The following USP34 variants were observed in gnomAD, a reference collection of about 807,000 sequenced individuals.
The protein encoded by USP34 is ubiquitin specific peptidase 34.
In USP34, 70 loss-of-function variants were observed where a neutral mutation model predicts 460.3. The ratio of observed to expected loss-of-function variants is 0.15; its 90% confidence interval spans 0.13 to 0.19. USP34 has a LOEUF of 0.19. Ranked by LOEUF, USP34 falls within the 10% of genes least tolerant of loss-of-function variation. USP34 has a pLI of 1.00. For missense variants in USP34, 3,985 were observed against 4,236.2 expected (o/e 0.94, Z 1.65); for synonymous variants, 1,647 against 1,405.3 (o/e 1.17, Z -3.85).
intron 75 of USP34, among the ~76,000 whole-genome samples, chr2:61,202,491 G>C (rs1257954529): frequency 1.3e-5 from 2 of 152,092 alleles, no homozygotes; most frequent in African/African-American, 2.4e-5. Context: ...TCAGCTATAG[G>C]AATGTTACCC....
intron 23 of USP34, 37 bp from the exon 24 acceptor site, chr2:61,315,011 T>C (rs1459581931): frequency 1.3e-6 from 2 of 1,534,204 alleles, no homozygotes; most frequent in African/African-American, 2.8e-5. Context: ...AAATTTTGTT[T>C]GTCAAACTAT....
Position 61,299,648 on chromosome 2 carries a change from C to CCT in USP34, c.4128+1302_4128+1303insAG. ...CACCTGGAGTTCCACCTATTCAGGA[C>CCT]GCTGAGGCAGCAGGATCACTTGAAC... is the stretch of plus-strand genomic sequence containing the variant. On this transcript the variant is annotated intron_variant, in intron 29 of 79. Transcript: ENST00000398571. 1.3e-5 allele frequency among the ~76,000 whole-genome samples: 2 copies of CCT among 151,152 alleles called. 1 individual carries two copies. The highest frequency in any genetic ancestry group is 4.2e-4 in the South Asian group (2 of 4,726).
rs1695939148 is a variant in USP34 at position 61,470,845 on chromosome 2, G to A, written c.-153C>T. The A allele has an allele frequency of 1.0e-5, 3 of 299,004 alleles. No homozygotes were observed. Among genetic ancestry groups the A allele is most frequent in the South Asian group, 2.7e-5 (1 of 36,930 alleles). The allele number at this position is 299,004 out of a possible 1,614,324, so 18.5% of individuals were successfully genotyped here. ...GGCGGCGGCGGGGACGGGGCGGGGA[G>A]CAAGAGAATGGGGGAGGGGGCCGGC... On this transcript the variant is annotated 5_prime_UTR_variant, in exon 1 of 80. Coordinates refer to ENST00000398571, the MANE Select transcript of USP34 (RefSeq NM_014709.4).
chr2:61,239,300 T>TCACTCACACACACACACA (rs1553355588), intron 53 of USP34, among the ~76,000 whole-genome samples: 4 of 132,768 alleles, frequency 3.0e-5, no homozygotes, highest in South Asian at 2.5e-4. Context: ...GAGGGCCCTG[T>TCACTCACACACACACACA]CACACACACA....
rs767785437 is a variant in USP34 at position 61,301,398 on chromosome 2, A to T, written c.3874T>A (p.Tyr1292Asn). The T allele has an allele frequency of 1.2e-6, 2 of 1,614,030 alleles. No individual in the cohort carries two copies. Among genetic ancestry groups the T allele is most frequent in the Non-Finnish European group, 1.7e-6 (2 of 1,179,980 alleles). ...ISSGHELTTD[Y>N]DEKALHELGF... ...AGCTCATGAAGTGCTTTTTCATCATAATCTGTTGTTAACTCGTGTCCAGAT... is the reference window on the plus strand; with the variant it reads ...AGCTCATGAAGTGCTTTTTCATCATTATCTGTTGTTAACTCGTGTCCAGAT... The change falls in exon 28 of 80, where the codon TAT becomes AAT. Residue 1292 changes from tyrosine to asparagine, a missense_variant. Tyr to Asn is a moderately radical substitution (Grantham distance 143, BLOSUM62 -2). Around this residue, in one of 14 missense-constraint regions of USP34, gnomAD observed 1,114 missense variants for 1,122.5 expected, o/e 0.99. Coordinates refer to ENST00000398571, the MANE Select transcript of USP34 (RefSeq NM_014709.4).
chr2:61,233,608 T>C (rs957657598), intron 57 of USP34, among the ~76,000 whole-genome samples: 2 of 151,976 alleles, frequency 1.3e-5, no homozygotes, highest in Admixed American at 6.6e-5. Flanking sequence ...GGAGGATAGC[T>C]TGAAGCCTGG....
At chr2:61,413,399 AAAAT>A (rs2103954585) in intron 2 of USP34, among the ~76,000 whole-genome samples, 2 of 148,734 alleles carry the variant, frequency 1.3e-5, no homozygotes, top group East Asian at 2.0e-4. Flanking sequence ...CAAAAAAATT[AAAAT>A]AAAAAAATAA....
intron 43 of USP34, among the ~76,000 whole-genome samples, chr2:61,264,624 G>C (rs2103915662): frequency 6.6e-6 from 1 of 152,314 alleles, no homozygotes; most frequent in South Asian, 2.1e-4. Context: ...CAGGGTGACA[G>C]ACACTGAGTC....
chr2:61,289,523 TGA>T (rs961024460), intron 33 of USP34, among the ~76,000 whole-genome samples: 11 of 152,130 alleles, frequency 7.2e-5, no homozygotes, highest in African/African-American at 2.7e-4. Flanking sequence ...ATGTACAAGA[TGA>T]GAGTTTCACA....
chr2:61,254,286 G>A (rs891411386), intron 48 of USP34, among the ~76,000 whole-genome samples: 4 of 152,096 alleles, frequency 2.6e-5, no homozygotes, highest in African/African-American at 4.8e-5. Context: ...TCTCTCTTCT[G>A]TCACTTTGTC....
chr2:61,395,353 C>G (rs540906142), intron 3 of USP34, 120 bp from the exon 4 acceptor site: 1 of 675,972 alleles, frequency 1.5e-6, no homozygotes, highest in African/African-American at 1.8e-5. Context: ...GCAATTACTC[C>G]TGATAAGCAG....
chr2:61,437,050 T>C (rs184669045), intron 1 of USP34, among the ~76,000 whole-genome samples: 238 of 152,298 alleles, frequency 1.6e-3, no homozygotes, highest in Middle Eastern at 3.4e-3. Flanking sequence ...AGCGGTGCAC[T>C]GCTAAGAGGG....
intron 38 of USP34, 141 bp from the exon 39 acceptor site, chr2:61,280,489 C>G (rs1689502806): frequency 2.5e-6 from 1 of 399,008 alleles, no homozygotes; most frequent in East Asian, 4.1e-5. Flanking sequence ...ATGGAGTACA[C>G]GCTTAGTTTC....
chr2:61,344,848 A>T (rs1024944499), intron 15 of USP34, among the ~76,000 whole-genome samples: 3 of 152,214 alleles, frequency 2.0e-5, no homozygotes, highest in African/African-American at 7.2e-5. Flanking sequence ...GGAAATATCT[A>T]GAGATATTTT....
At chr2:61,262,414 T>A (rs1193385785) in intron 43 of USP34, among the ~76,000 whole-genome samples, 2 of 152,166 alleles carry the variant, frequency 1.3e-5, no homozygotes, top group Non-Finnish European at 2.9e-5. Context: ...TAGCTCCCAC[T>A]TATAAGTGAG....
At chr2:61,310,691 A>G (rs1690564862) in intron 27 of USP34, among the ~76,000 whole-genome samples, 1 of 151,092 alleles carries the variant, frequency 6.6e-6, no homozygotes. Context: ...ACATATATAT[A>G]TATTAGGCCT....
Position 61,214,590 on chromosome 2 carries a change from G to T in USP34, c.8152C>A (p.Pro2718Thr). 1 of 1,614,050 alleles carries T rather than the reference G, an allele frequency of 6.2e-7. No individual in the cohort carries two copies. The highest frequency in any genetic ancestry group is 8.5e-7 in the Non-Finnish European group (1 of 1,179,948). The change falls in exon 68 of 80, where the codon CCA (proline) becomes ACA (threonine). Residue 2718 changes from proline to threonine, a missense_variant. By Grantham distance (38) the Pro-to-Thr change is conservative. This residue lies in a region of USP34 where 604 missense variants were observed against 684.8 expected (regional missense o/e 0.88). Coordinates refer to ENST00000398571, the MANE Select transcript of USP34 (RefSeq NM_014709.4). ...TGATGTAGGACTACTGTTGTGTCTGGACTGAGTGGAAGGTCACGGGTTGGG... is the reference window on the plus strand; with the variant it reads ...TGATGTAGGACTACTGTTGTGTCTGTACTGAGTGGAAGGTCACGGGTTGGG... Reference protein sequence around the residue: ...HIPTRDLPLSPDTTVVLHQVY... With the variant: ...HIPTRDLPLSTDTTVVLHQVY...
intron 51 of USP34, 57 bp from the exon 52 acceptor site, chr2:61,241,876 T>C: frequency 1.1e-6 from 1 of 883,620 alleles, no homozygotes; most frequent in Non-Finnish European, 1.7e-6. Flanking sequence ...CTCAGCTATA[T>C]TTATATATAA....
chr2:61,280,987 C>T, intron 38 of USP34, 103 bp downstream of exon 38: 5 of 1,243,320 alleles, frequency 4.0e-6, no homozygotes, highest in Non-Finnish European at 5.5e-6. Flanking sequence ...AAATCACATA[C>T]AGTAGTCAAA....
Sources: gnomAD v4.1 joint callset for allele counts (sites outside exome capture counted in the v4.1 genomes callset) on GRCh38, gnomAD v4.1.1 for gene constraint, gnomAD v4.1.1 regional missense constraint, MANE v1.5 for transcripts, NCBI Gene and HGNC (gene_info 2026-07-23, HGNC 2026-07-21) for gene names.